CEP128: variants seen among roughly 807,000 people sequenced by gnomAD.
The protein encoded by CEP128 is centrosomal protein 128kDa.
CEP128 carries 132 observed loss-of-function variants against 156.7 expected under a neutral mutation model. The observed-to-expected ratio is 0.84, with a 90% CI of 0.73 to 0.97. The LOEUF (loss-of-function observed/expected upper bound fraction) is 0.97, where lower values mean the gene tolerates loss of function less well. CEP128 is among the 50% of genes least tolerant of loss of function. The pLI, the probability that CEP128 is intolerant of heterozygous loss-of-function variation, is 0.00. For missense variants in CEP128, 1,252 were observed against 1,281.9 expected, an observed-to-expected ratio of 0.98 and a Z score of 0.36; for synonymous variants, 469 against 448.9, an observed-to-expected ratio of 1.04 and a Z score of -0.57.
At chr14:80,632,892 T>C (rs756968606) in intron 19 of CEP128, among the ~76,000 whole-genome samples, 2 of 151,996 alleles carry the variant, frequency 1.3e-5, no homozygotes, top group Non-Finnish European at 2.9e-5. Context: ...TAAGAATGAG[T>C]GAAAGGGCTA....
chr14:80,535,658 GA>G (rs1406235563), intron 21 of CEP128, among the ~76,000 whole-genome samples: 1 of 152,116 alleles, frequency 6.6e-6, no homozygotes, highest in East Asian at 1.9e-4. Context: ...TGTTTCTGTT[GA>G]TTATAGGATG....
intron 13 of CEP128, among the ~76,000 whole-genome samples, chr14:80,801,736 G>A (rs1444560176): frequency 7.9e-5 from 12 of 151,590 alleles, no homozygotes; most frequent in East Asian, 7.8e-4. Context: ...GTGAAACCCC[G>A]TCTCTACTAA....
chr14:80,496,513 T>A lies in CEP128; in HGVS notation c.*966A>T, dbSNP rs984983320. Reference sequence around the variant, plus strand: ...CAAAGGTATTGCTTTATTGCCCTTGTCTATGCAGAATCCATGACCCAATAG... The same window carrying A: ...CAAAGGTATTGCTTTATTGCCCTTGACTATGCAGAATCCATGACCCAATAG... On this transcript the variant is annotated 3_prime_UTR_variant, in exon 25 of 25. Transcript: ENST00000555265. 2 of 152,634 alleles carry A rather than the reference T, an allele frequency of 1.3e-5. No homozygotes were observed. Among genetic ancestry groups the A allele is most frequent in the African/African-American group, 4.8e-5 (2 of 41,440 alleles). The allele number at this position is 152,634 out of a possible 1,614,324, so 9.5% of individuals were successfully genotyped here.
chr14:80,784,763 C>T, intron 15 of CEP128, 132 bp downstream of exon 15: 1 of 817,664 alleles, frequency 1.2e-6, no homozygotes, highest in Admixed American at 2.7e-5. Flanking sequence ...GAATAAGCCT[C>T]TTTATTGTTG....
At chr14:80,705,920 C>A (rs2139385076) in intron 19 of CEP128, among the ~76,000 whole-genome samples, 1 of 152,168 alleles carries the variant, frequency 6.6e-6, no homozygotes, top group Middle Eastern at 3.4e-3. Context: ...TGGTTAAGTC[C>A]TTAAGTTCTG....
At chr14:80,701,183 G>A (rs868208175) in intron 19 of CEP128, among the ~76,000 whole-genome samples, 1 of 152,156 alleles carries the variant, frequency 6.6e-6, no homozygotes, top group Non-Finnish European at 1.5e-5. Context: ...CAGGAAGGAA[G>A]AAGACTCAAG....
intron 2 of CEP128, among the ~76,000 whole-genome samples, chr14:80,948,162 C>A (rs1594878950): frequency 6.6e-6 from 1 of 152,198 alleles, no homozygotes; most frequent in East Asian, 1.9e-4. Context: ...GTGAAATTCA[C>A]TCTCTTTACA....
At position 80,591,892 on chromosome 14, in the gene CEP128, G is replaced by A. The variant is rs1892087728; in HGVS notation, c.2807-11469C>T. 2.0e-5 allele frequency among the ~76,000 whole-genome samples: 3 copies of A among 152,264 alleles called. No homozygotes were observed. The South Asian group carries it at 6.2e-4, about 32-fold the overall frequency. On this transcript the variant is annotated intron_variant, in intron 19 of 24. Coordinates refer to ENST00000555265, the MANE Select transcript of CEP128 (RefSeq NM_152446.5). ...CAACTACATGGAAACTAAACAACTT[G>A]CTCCTGAATGACTACTGGGTAAATA... is the stretch of plus-strand genomic sequence containing the variant.
chr14:80,810,390 GA>G (rs1406508634), intron 13 of CEP128, among the ~76,000 whole-genome samples: 1 of 109,100 alleles, frequency 9.2e-6, no homozygotes, highest in South Asian at 2.9e-4. Flanking sequence ...AATTCGACAA[GA>G]AAAAAAACTC....
intron 2 of CEP128, among the ~76,000 whole-genome samples, chr14:80,919,070 GAA>G (rs1404522456): frequency 6.6e-6 from 1 of 152,082 alleles, no homozygotes; most frequent in Non-Finnish European, 1.5e-5. Flanking sequence ...CTGAAGTTAA[GAA>G]ATCAGGCAGA....
intron 23 of CEP128, among the ~76,000 whole-genome samples, chr14:80,511,053 G>T (rs1375399655): frequency 6.9e-6 from 1 of 144,420 alleles, no homozygotes; most frequent in Non-Finnish European, 1.5e-5. Context: ...TGGCCTGTGG[G>T]TTTTTTTTTT....
Position 80,541,444 on chromosome 14 carries a change from A to T in CEP128, c.2881-10558T>A, listed in dbSNP as rs112728256. Among the ~76,000 whole-genome samples the T allele has an allele frequency of 3.0e-3, 131 of 44,176 alleles. 2 individuals are homozygous for T. Among genetic ancestry groups the T allele is most frequent in the South Asian group, 6.6e-3 (11 of 1,656 alleles). 29.0% of individuals were successfully genotyped at this position (44,176 alleles called of 152,430 possible). ...AGAAAGTGAAGCTAATGACTGTGTT[A>T]AAAAAAAAAAAAAAAAAAAAACCAG... On this transcript the variant is annotated intron_variant, in intron 21 of 24. Coordinates refer to ENST00000555265, the MANE Select transcript of CEP128 (RefSeq NM_152446.5).
At chr14:80,923,351 G>GC (rs1313515534) in intron 2 of CEP128, among the ~76,000 whole-genome samples, 1 of 152,112 alleles carries the variant, frequency 6.6e-6, no homozygotes, top group Admixed American at 6.5e-5. Context: ...AAGAGGATTG[G>GC]CAATGAGCCT....
chr14:80,787,125 A>C (rs747369092), intron 14 of CEP128, among the ~76,000 whole-genome samples: 13 of 152,138 alleles, frequency 8.5e-5, no homozygotes, highest in African/African-American at 1.2e-4. Flanking sequence ...TTTTTATCTC[A>C]CTGCTTCCAA....
At chr14:80,780,849 T>C (rs1901070093) in intron 15 of CEP128, among the ~76,000 whole-genome samples, 1 of 152,198 alleles carries the variant, frequency 6.6e-6, no homozygotes, top group African/African-American at 2.4e-5. Flanking sequence ...GGATACAAAA[T>C]AGCTTAGATC....
intron 8 of CEP128, among the ~76,000 whole-genome samples, chr14:80,881,297 A>G (rs1396741844): frequency 6.6e-6 from 1 of 152,186 alleles, no homozygotes; most frequent in Non-Finnish European, 1.5e-5. Context: ...GAGTAACTAT[A>G]TGCCAATATA....
At chr14:80,554,373 G>A (rs1339869752) in intron 21 of CEP128, among the ~76,000 whole-genome samples, 2 of 152,060 alleles carry the variant, frequency 1.3e-5, no homozygotes. Flanking sequence ...ACGCTATGCT[G>A]ACTCAGGATA....
At chr14:80,512,171 T>G (rs916123413) in intron 23 of CEP128, among the ~76,000 whole-genome samples, 1 of 152,070 alleles carries the variant, frequency 6.6e-6, no homozygotes, top group Admixed American at 6.5e-5. Context: ...AAGTGGGCTG[T>G]TGAAGTCTTC....
intron 2 of CEP128, among the ~76,000 whole-genome samples, chr14:80,935,586 AT>A: frequency 6.8e-6 from 1 of 147,284 alleles, no homozygotes. Flanking sequence ...AAATAAATAA[AT>A]AAATAAATAA....
Sources: allele counts gnomAD v4.1 joint callset (sites outside exome capture counted in the v4.1 genomes callset), GRCh38; gene constraint gnomAD v4.1.1; transcripts MANE v1.5; gene names NCBI Gene and HGNC (gene_info 2026-07-23, HGNC 2026-07-21).